The following GLRX3 variants were observed in gnomAD, a reference collection of about 807,000 sequenced individuals.
GLRX3 encodes the protein glutaredoxin-3.
Under a neutral mutation model 49.5 loss-of-function variants are expected in GLRX3, and 22 were observed. The ratio of observed to expected loss-of-function variants is 0.44; its 90% CI spans 0.32 to 0.63. The LOEUF (loss-of-function observed/expected upper bound fraction) is 0.63, where lower values mean the gene tolerates loss of function less well. GLRX3 is among the 30% of genes least tolerant of loss of function. The probability of loss-of-function intolerance (pLI) is 0.05; values close to 1 mark genes in which losing one functional copy is unlikely to be tolerated. For missense variants in GLRX3, 385 were observed against 396.3 expected (o/e 0.97, Z 0.24); for synonymous variants, 133 against 140.0 (o/e 0.95, Z 0.35).
At chr10:130,162,178 C>G (rs1349040266) in intron 4 of GLRX3, among the ~76,000 whole-genome samples, 2 of 152,104 alleles carry the variant, frequency 1.3e-5, no homozygotes, top group African/African-American at 2.4e-5. Context: ...TAGGGTTTGT[C>G]CATGTTGGTC....
chr10:130,136,536 G>A lies in GLRX3; in HGVS notation c.92+24G>A. 4 of 1,257,668 alleles carry A rather than the reference G, an allele frequency of 3.2e-6. 1 individual carries two copies. In the South Asian group the frequency reaches 1.4e-4, roughly 45 times the overall value. 77.9% of individuals were successfully genotyped at this position (1,257,668 alleles called of 1,614,324 possible). ...AAGTAAGCGGGGCGGCGAGCGGTAG[G>A]AGTGAGGAGCCGGAGCGGGAGCGGC... is the stretch of plus-strand genomic sequence containing the variant. On this transcript the variant is annotated intron_variant, in intron 1 of 10. Transcript: ENST00000331244.
chr10:130,159,090 A>T (rs1862529054), intron 2 of GLRX3, among the ~76,000 whole-genome samples: 1 of 152,214 alleles, frequency 6.6e-6, no homozygotes, highest in Admixed American at 6.5e-5. Flanking sequence ...TATATATTTT[A>T]AAAACTTTTT....
rs577506764 is a variant in GLRX3, at chr10:130,163,783, G to A, written c.479-2724G>A. ...GCCTGGTTAGTGGAGCATTGTTTTT[G>A]CTCTTCTTCTGGCATTTTAGAGAAG... On this transcript the variant is annotated intron_variant, in intron 4 of 10. Coordinates refer to ENST00000331244, the MANE Select transcript of GLRX3 (RefSeq NM_006541.5). 2.6e-5 allele frequency among the ~76,000 whole-genome samples: 4 copies of A among 152,252 alleles called. No homozygotes were observed. The East Asian group carries it at 5.8e-4, about 22-fold the overall frequency.
In GLRX3 at chr10:130,166,820, T is replaced by C. The variant is rs539416184; in HGVS notation, c.652-99T>C. 88 of 926,152 alleles carry C rather than the reference T, an allele frequency of 9.5e-5. 2 individuals carry two copies. The South Asian group carries it at 1.2e-3, about 13-fold the overall frequency. 57.4% of individuals were successfully genotyped at this position (926,152 alleles called of 1,614,324 possible). A position where few individuals can be genotyped will look rare whatever the true frequency, so the allele number is the denominator to read the frequency against. On this transcript the variant is annotated intron_variant, in intron 5 of 10. Transcript: ENST00000331244. ...ACCTGCAATGAATACACAGTATTTCTGATTAGTTGATTGATCAATAATCTG... is the reference window on the plus strand; with the variant it reads ...ACCTGCAATGAATACACAGTATTTCCGATTAGTTGATTGATCAATAATCTG...
chr10:130,173,657 G>T (rs902018553), intron 8 of GLRX3, among the ~76,000 whole-genome samples: 1 of 152,122 alleles, frequency 6.6e-6, no homozygotes, highest in Non-Finnish European at 1.5e-5. Context: ...TTTATGAATA[G>T]TTGTATAACT....
chr10:130,174,973 T>G (rs187951065), intron 9 of GLRX3, 24 bp from the exon 10 acceptor site: 256 of 1,584,184 alleles, frequency 1.6e-4, no homozygotes, highest in Non-Finnish European at 2.1e-4. Flanking sequence ...TAGGATGGTT[T>G]CAGGATTCCT....
At chr10:130,156,208 G>A (rs998204906) in intron 2 of GLRX3, among the ~76,000 whole-genome samples, 2 of 152,166 alleles carry the variant, frequency 1.3e-5, no homozygotes, top group Admixed American at 6.5e-5. Flanking sequence ...GTCTGGCAAG[G>A]GCTTGCTCTC....
chr10:130,140,732 T>C (rs374567864), intron 1 of GLRX3, among the ~76,000 whole-genome samples: 4 of 151,994 alleles, frequency 2.6e-5, no homozygotes, highest in African/African-American at 9.7e-5. Context: ...CCTACTTTAA[T>C]TTTTGAAAAA....
intron 4 of GLRX3, among the ~76,000 whole-genome samples, chr10:130,166,241 CCACT>C (rs1177884918): frequency 5.3e-4 from 81 of 151,752 alleles, no homozygotes; most frequent in African/African-American, 1.9e-3. Context: ...AATACACACA[CCACT>C]TTTTTTTTTT....
chr10:130,163,948 G>C (rs1035132208), intron 4 of GLRX3, among the ~76,000 whole-genome samples: 3 of 152,212 alleles, frequency 2.0e-5, no homozygotes, highest in Non-Finnish European at 4.4e-5. Context: ...CCACTGCGGA[G>C]TATTTTGATG....
At chr10:130,162,054 G>A (rs1049476661) in intron 4 of GLRX3, among the ~76,000 whole-genome samples, 6 of 152,160 alleles carry the variant, frequency 3.9e-5, no homozygotes, top group Admixed American at 2.6e-4. Context: ...TCAGTGCGAC[G>A]GAACCTCTGT....
At chr10:130,166,785 A>T in intron 5 of GLRX3, 106 bp downstream of exon 5, 1 of 943,646 alleles carries the variant, frequency 1.1e-6, no homozygotes, top group South Asian at 1.5e-5. Flanking sequence ...ATCTATATTT[A>T]CTAATAAGAA....
intron 2 of GLRX3, among the ~76,000 whole-genome samples, chr10:130,154,784 G>T (rs1460660687): frequency 6.6e-6 from 1 of 152,100 alleles, no homozygotes; most frequent in Non-Finnish European, 1.5e-5. Context: ...CCGCACAGTA[G>T]TCTAGGCACT....
In GLRX3 at chr10:130,136,407, C is replaced by G; in HGVS notation, c.-14C>G. Reference sequence around the variant, plus strand: ...GCCGCCGGCACTGGATTGCTTCTGTCTGGCGGCGGCAGCATGGCGGCGGGG... The same window carrying G: ...GCCGCCGGCACTGGATTGCTTCTGTGTGGCGGCGGCAGCATGGCGGCGGGG... On this transcript the variant is annotated 5_prime_UTR_variant, in exon 1 of 11. Transcript: ENST00000331244. The G allele has an allele frequency of 8.0e-7, 1 of 1,251,356 alleles. No homozygotes were observed. The highest frequency in any genetic ancestry group is 1.0e-6 in the Non-Finnish European group (1 of 992,110). 77.5% of individuals were successfully genotyped at this position (1,251,356 alleles called of 1,614,324 possible). A position where few individuals can be genotyped will look rare whatever the true frequency, so the allele number is the denominator to read the frequency against.
intron 10 of GLRX3, among the ~76,000 whole-genome samples, chr10:130,177,446 A>C (rs1019911910): frequency 1.3e-5 from 2 of 152,208 alleles, no homozygotes; most frequent in African/African-American, 4.8e-5. Context: ...GCGCGCTCCC[A>C]ATGTTCCAGG....
Position 130,136,509 on chromosome 10 carries a change from C to A in GLRX3, c.89C>A (p.Ala30Asp). ...GQFEELLRLK[A>D]KSLLVVHFWA... ...TTTGAGGAGCTGCTGCGCCTCAAAG[C>A]CAAGTAAGCGGGGCGGCGAGCGGTA... Residue 30 changes from alanine (A) to aspartate (D), a missense_variant, in exon 1 of 11, where the codon GCC becomes GAC. Transcript: ENST00000331244. 1 of 1,261,992 alleles carries A rather than the reference C, an allele frequency of 7.9e-7. No individual in the cohort carries two copies. The highest frequency in any genetic ancestry group is 1.0e-6 in the Non-Finnish European group (1 of 996,398). The allele number at this position is 1,261,992 out of a possible 1,614,324, so 78.2% of individuals were successfully genotyped here. A position where few individuals can be genotyped will look rare whatever the true frequency, so the allele number is the denominator to read the frequency against.
At chr10:130,155,797 G>T (rs1268852979) in intron 2 of GLRX3, among the ~76,000 whole-genome samples, 2 of 152,190 alleles carry the variant, frequency 1.3e-5, no homozygotes, top group African/African-American at 4.8e-5. Context: ...AGGCATAGAA[G>T]AGGACTCAGA....
chr10:130,146,680 T>G (rs1299606998), intron 2 of GLRX3, among the ~76,000 whole-genome samples: 1 of 152,198 alleles, frequency 6.6e-6, no homozygotes, highest in Non-Finnish European at 1.5e-5. Flanking sequence ...CCTTAAGATT[T>G]AAAAAACAAA....
At chr10:130,155,194 C>T (rs1176422495) in intron 2 of GLRX3, among the ~76,000 whole-genome samples, 1 of 152,094 alleles carries the variant, frequency 6.6e-6, no homozygotes, top group Non-Finnish European at 1.5e-5. Flanking sequence ...GAGCTTTTAA[C>T]CAAAGTGCAG....
Sources: gnomAD v4.1 joint callset for allele counts (sites outside exome capture counted in the v4.1 genomes callset) on GRCh38, gnomAD v4.1.1 for gene constraint, MANE v1.5 for transcripts, NCBI Gene and HGNC (gene_info 2026-07-23, HGNC 2026-07-21) for gene names.